Variants in KCNMB2 observed in about 807,000 individuals in gnomAD.
The protein encoded by KCNMB2 is calcium-activated potassium channel subunit beta-2.
A neutral mutation model predicts 24.5 loss-of-function variants in KCNMB2; 9 were observed. That is an observed-to-expected ratio of 0.37 (90% CI 0.22 to 0.64). KCNMB2 has a LOEUF of 0.64. Ranked by LOEUF, KCNMB2 falls within the 30% of genes least tolerant of loss-of-function variation. KCNMB2 has a pLI of 0.63. For synonymous variants in KCNMB2, 109 were observed against 104.4 expected (o/e 1.04, Z -0.27); for missense variants, 226 against 284.3 (o/e 0.79, Z 1.47).
intron 1 of KCNMB2, among the ~76,000 whole-genome samples, chr3:178,669,613 G>A (rs534378271): frequency 6.8e-4 from 103 of 152,116 alleles, no homozygotes; most frequent in African/African-American, 2.3e-3. Context: ...TAATTCAAAG[G>A]TGAATAAGAG....
intron 1 of KCNMB2, among the ~76,000 whole-genome samples, chr3:178,706,723 G>T (rs1722289036): frequency 6.6e-6 from 1 of 152,094 alleles, no homozygotes; most frequent in Admixed American, 6.6e-5. Flanking sequence ...CTTGCTATCT[G>T]CACCTTCCCA....
At chr3:178,661,393 G>A (rs778144754) in intron 1 of KCNMB2, among the ~76,000 whole-genome samples, 1 of 152,048 alleles carries the variant, frequency 6.6e-6, no homozygotes, top group Non-Finnish European at 1.5e-5. Context: ...ACATTGATGG[G>A]CATCTTGGTT....
chr3:178,680,290 T>C (rs537393297), intron 1 of KCNMB2, among the ~76,000 whole-genome samples: 69 of 152,206 alleles, frequency 4.5e-4, no homozygotes, highest in African/African-American at 1.6e-3. Context: ...AGCACCTGCC[T>C]AGGGAGGCCC....
intron 1 of KCNMB2, among the ~76,000 whole-genome samples, chr3:178,582,220 G>T (rs1188670340): frequency 6.6e-6 from 1 of 152,168 alleles, no homozygotes; most frequent in African/African-American, 2.4e-5. Flanking sequence ...CTGGGACATG[G>T]ATGAAGCTGG....
At chr3:178,794,285 G>GT (rs537482563) in intron 1 of KCNMB2, among the ~76,000 whole-genome samples, 61 of 152,234 alleles carry the variant, frequency 4.0e-4, no homozygotes, top group African/African-American at 1.5e-3. Context: ...GCATGAGGAA[G>GT]TAAGTTTTTG....
intron 1 of KCNMB2, among the ~76,000 whole-genome samples, chr3:178,633,280 G>T: frequency 6.6e-6 from 1 of 152,208 alleles, no homozygotes; most frequent in African/African-American, 2.4e-5. Context: ...CTGTGTGGGG[G>T]ATTCAACCCA....
intron 1 of KCNMB2, among the ~76,000 whole-genome samples, chr3:178,624,712 C>CA (rs1427096063): frequency 7.6e-6 from 1 of 132,170 alleles, no homozygotes; most frequent in African/African-American, 2.8e-5. Flanking sequence ...GTTAAATGTG[C>CA]AAACTCACTT....
chr3:178,808,101 C>T (rs1714047878), intron 2 of KCNMB2, among the ~76,000 whole-genome samples: 2 of 151,804 alleles, frequency 1.3e-5, no homozygotes, highest in African/African-American at 4.8e-5. Context: ...GAAGAATAGC[C>T]TGGGAGGAAG....
intron 1 of KCNMB2, among the ~76,000 whole-genome samples, chr3:178,601,469 C>T (rs115608176): frequency 2.0e-3 from 310 of 152,180 alleles, no homozygotes; most frequent in Non-Finnish European, 3.8e-3. Context: ...TTCAGTTGTA[C>T]GAAAATAACA....
chr3:178,747,730 A>G (rs1723717234), intron 1 of KCNMB2, among the ~76,000 whole-genome samples: 1 of 152,198 alleles, frequency 6.6e-6, no homozygotes, highest in Non-Finnish European at 1.5e-5. Flanking sequence ...TACTTGATTG[A>G]AATGATCCTA....
At chr3:178,675,131 T>C (rs767081863) in intron 1 of KCNMB2, among the ~76,000 whole-genome samples, 1 of 152,258 alleles carries the variant, frequency 6.6e-6, no homozygotes, top group Non-Finnish European at 1.5e-5. Context: ...AAATGTTGAA[T>C]GAAAGATAAT....
At chr3:178,838,671 A>G (rs935780633) in intron 4 of KCNMB2, among the ~76,000 whole-genome samples, 17 of 151,930 alleles carry the variant, frequency 1.1e-4, no homozygotes, top group African/African-American at 3.4e-4. Flanking sequence ...TGTTTTTTAA[A>G]TACTTTGTTC....
At chr3:178,556,984 G>A (rs763084345) in intron 1 of KCNMB2, among the ~76,000 whole-genome samples, 1 of 152,168 alleles carries the variant, frequency 6.6e-6, no homozygotes, top group Non-Finnish European at 1.5e-5. Context: ...ACAAGGGAAG[G>A]TGTTTTATTA....
At chr3:178,745,302 G>T (rs1333532867) in intron 1 of KCNMB2, among the ~76,000 whole-genome samples, 5 of 152,126 alleles carry the variant, frequency 3.3e-5, no homozygotes, top group Non-Finnish European at 1.5e-5. Flanking sequence ...TTACATGGAT[G>T]GCAGCAAAGA....
chr3:178,554,504 G>C (rs1175418809), intron 1 of KCNMB2, among the ~76,000 whole-genome samples: 1 of 152,110 alleles, frequency 6.6e-6, no homozygotes, highest in Non-Finnish European at 1.5e-5. Context: ...TCTCTTACCA[G>C]TGTCACCTAG....
At chr3:178,710,873 C>A (rs900403219) in intron 1 of KCNMB2, among the ~76,000 whole-genome samples, 1 of 152,084 alleles carries the variant, frequency 6.6e-6, no homozygotes, top group East Asian at 1.9e-4. Flanking sequence ...TCTGTTACAT[C>A]CATTATGCAT....
chr3:178,743,866 T>C (rs1012202948), intron 1 of KCNMB2, among the ~76,000 whole-genome samples: 2 of 152,224 alleles, frequency 1.3e-5, no homozygotes, highest in African/African-American at 4.8e-5. Flanking sequence ...ACCGCTGGTC[T>C]TGCTATGAAT....
chr3:178,834,464 G>C (rs1397172745), intron 4 of KCNMB2, among the ~76,000 whole-genome samples: 1 of 151,136 alleles, frequency 6.6e-6, no homozygotes, highest in Non-Finnish European at 1.5e-5. Context: ...AGATATTTTG[G>C]TGAACAGGTG....
At position 178,789,010 on chromosome 3, in the gene KCNMB2, G is replaced by A. The variant is rs74467877; in HGVS notation, c.-67-18333G>A. ...AAAAAGAATACAGATTAGCTCCACAGTCATATTTTCACAGATGGTGAAACT... is the reference window on the plus strand; with the variant it reads ...AAAAAGAATACAGATTAGCTCCACAATCATATTTTCACAGATGGTGAAACT... On this transcript the variant is annotated intron_variant, in intron 1 of 4. Transcript: ENST00000452583. Among the ~76,000 whole-genome samples the A allele has an allele frequency of 6.1e-3, 930 of 152,260 alleles. 15 individuals are homozygous for A. The highest frequency in any genetic ancestry group is 0.021 in the African/African-American group (883 of 41,556).
Sources: gnomAD v4.1 joint callset for allele counts (sites outside exome capture counted in the v4.1 genomes callset) on GRCh38, gnomAD v4.1.1 for gene constraint, MANE v1.5 for transcripts, NCBI Gene and HGNC (gene_info 2026-07-23, HGNC 2026-07-21) for gene names.